The following NOLC1 variants were observed in gnomAD, a reference collection of about 807,000 sequenced individuals.
NOLC1 encodes the protein nucleolar and coiled-body phosphoprotein 1.
In NOLC1, 37 loss-of-function variants were observed where a neutral mutation model predicts 73.4. The ratio of observed to expected loss-of-function variants is 0.50; its 90% CI spans 0.39 to 0.66. The LOEUF (loss-of-function observed/expected upper bound fraction) is 0.66. Ranked by LOEUF, NOLC1 falls within the 30% of genes least tolerant of loss-of-function variation. NOLC1 has a pLI of 0.00. For missense variants in NOLC1, 921 were observed against 838.9 expected, an observed-to-expected ratio of 1.10 and a Z score of -1.21; for synonymous variants, 327 against 302.6, an observed-to-expected ratio of 1.08 and a Z score of -0.84.
chr10:102,156,962 A>T, intron 1 of NOLC1, 57 bp from the exon 2 acceptor site: 1 of 1,534,104 alleles, frequency 6.5e-7, no homozygotes, highest in Non-Finnish European at 9.0e-7. Flanking sequence ...GGCCACATTT[A>T]ATGAAAGCAT....
chr10:102,161,071 G>T lies in NOLC1; in HGVS notation c.1719G>T (p.Ala573=). The T allele has an allele frequency of 1.2e-6, 2 of 1,608,654 alleles. No homozygotes were observed. The highest frequency in any genetic ancestry group is 1.7e-6 in the Non-Finnish European group (2 of 1,179,018). Residue 573 remains alanine (A), a synonymous_variant, in exon 10 of 13, where the codon GCG becomes GCT. Transcript: ENST00000605788. ...SEEEEEEKKK[A]AVVVSKSGSL... Reference sequence around the variant, plus strand: ...AGGAGGAAGAAGAAAAGAAAAAGGCGGCAGTGGTAGTTTCCAAATCAGGTC... The same window carrying T: ...AGGAGGAAGAAGAAAAGAAAAAGGCTGCAGTGGTAGTTTCCAAATCAGGTC...
At chr10:102,159,822 A>G in intron 7 of NOLC1, 74 bp from the exon 8 acceptor site, 2 of 1,406,092 alleles carry the variant, frequency 1.4e-6, no homozygotes, top group Non-Finnish European at 1.9e-6. Context: ...ATTAAGCTTC[A>G]TTTCTACAAG....
intron 1 of NOLC1, among the ~76,000 whole-genome samples, chr10:102,154,135 G>C (rs369444696): frequency 1.4e-5 from 2 of 145,826 alleles, no homozygotes; most frequent in African/African-American, 2.6e-5. Context: ...GCAGTGGCAC[G>C]ATCTCAGCTC....
In NOLC1 at chr10:102,163,252, A is replaced by G. The variant is rs1332759522; in HGVS notation, c.*983A>G. 1 of 150,620 alleles carries G rather than the reference A, an allele frequency of 6.6e-6. No homozygotes were observed. Among genetic ancestry groups the G allele is most frequent in the South Asian group, 2.1e-4 (1 of 4,790 alleles). The allele number at this position is 150,620 out of a possible 1,614,324, so 9.3% of individuals were successfully genotyped here. On this transcript the variant is annotated 3_prime_UTR_variant, in exon 13 of 13. Transcript: ENST00000605788. Reference sequence around the variant, plus strand: ...AATCACTGATCAAGAAAGTGGGGGGAAAAAAAACAAACGTTAAAACCTCAA... The same window carrying G: ...AATCACTGATCAAGAAAGTGGGGGGGAAAAAAACAAACGTTAAAACCTCAA...
chr10:102,155,816 A>G (rs2069584888), intron 1 of NOLC1, among the ~76,000 whole-genome samples: 1 of 151,444 alleles, frequency 6.6e-6, no homozygotes, highest in African/African-American at 2.4e-5. Context: ...TGGCCCTTAA[A>G]TGCAGTTCTT....
chr10:102,156,751 G>A (rs2069601988), intron 1 of NOLC1, among the ~76,000 whole-genome samples: 1 of 152,016 alleles, frequency 6.6e-6, no homozygotes, highest in Non-Finnish European at 1.5e-5. Flanking sequence ...GTTTTGTTTT[G>A]TTTTAGGACT....
chr10:102,154,353 G>T (rs1014986333), intron 1 of NOLC1, among the ~76,000 whole-genome samples: 18 of 151,884 alleles, frequency 1.2e-4, no homozygotes, highest in Non-Finnish European at 2.9e-5. Flanking sequence ...AAAGTGCTGG[G>T]ATTACAGGTG....
At chr10:102,161,238 C>CTTTT in intron 10 of NOLC1, 145 bp downstream of exon 10, 6 of 671,532 alleles carry the variant, frequency 8.9e-6, no homozygotes, top group Non-Finnish European at 1.4e-5. Context: ...AACTGGTTAC[C>CTTTT]TTTTTTTTTT....
In NOLC1 at chr10:102,159,516, T is replaced by A. The variant is rs1490560997; in HGVS notation, c.807T>A (p.Asp269Glu). The A allele has an allele frequency of 5.6e-6, 9 of 1,614,068 alleles. No homozygotes were observed. The highest frequency in any genetic ancestry group is 7.6e-6 in the Non-Finnish European group (9 of 1,180,042). The stretch of plus-strand genomic sequence containing the variant: ...CCCGGAAGAGTTCTAGCAGTGAGGA[T>A]TCCTCCAGTGACGAGGAAGAGGAGC... ...TPTRKSSSSEDSSSDEEEEQK... is the reference protein window; with the variant it reads ...TPTRKSSSSEESSSDEEEEQK... The change falls in exon 7 of 13, where the codon GAT becomes GAA. Residue 269 changes from aspartate (D) to glutamate (E), a missense_variant. By Grantham distance (45) the Asp-to-Glu change is conservative (BLOSUM62 2). Coordinates refer to ENST00000605788, the MANE Select transcript of NOLC1 (RefSeq NM_004741.5).
rs773592534 is a variant in NOLC1, at chr10:102,162,071, A to G, written c.1942-40A>G. On this transcript the variant is annotated intron_variant, in intron 12 of 12. Coordinates refer to ENST00000605788, the MANE Select transcript of NOLC1 (RefSeq NM_004741.5). ...AAGAATAAAGTGACAGGGCTCCAGC[A>G]TGGTCCTCCTCTGTGTTAATCTCCC... is the stretch of plus-strand genomic sequence containing the variant. The G allele has an allele frequency of 1.7e-5, 27 of 1,608,850 alleles. No individual in the cohort carries two copies. The South Asian group carries it at 2.0e-4, about 12-fold the overall frequency.
At position 102,159,627 on chromosome 10, in the gene NOLC1, C is replaced by G. The variant is rs980420846; in HGVS notation, c.859+59C>G. The G allele has an allele frequency of 1.2e-5, 19 of 1,544,558 alleles. No homozygotes were observed. In the African/African-American group the frequency reaches 1.5e-4, roughly 12 times the overall value. ...GTGGTCAGGGCCCAGCTGCAGTAAC[C>G]ACATGGACCTCTCCATAGAGGTGCA... On this transcript the variant is annotated intron_variant, in intron 7 of 12. Coordinates refer to ENST00000605788, the MANE Select transcript of NOLC1 (RefSeq NM_004741.5).
rs2069746162 is a variant in NOLC1 at position 102,163,477 on chromosome 10, G to A, written c.*1208G>A. On this transcript the variant is annotated 3_prime_UTR_variant, in exon 13 of 13. Transcript: ENST00000605788. ...GCCCCCTTCAGAACCTTAACTGTTAGTAGCAGTGGCTGTAACAACACAAAC... is the reference window on the plus strand; with the variant it reads ...GCCCCCTTCAGAACCTTAACTGTTAATAGCAGTGGCTGTAACAACACAAAC... 1 of 152,172 alleles carries A rather than the reference G, an allele frequency of 6.6e-6. No homozygotes were observed. Among genetic ancestry groups the A allele is most frequent in the African/African-American group, 2.4e-5 (1 of 41,436 alleles). The allele number at this position is 152,172 out of a possible 1,614,324, so 9.4% of individuals were successfully genotyped here. A position where few individuals can be genotyped will look rare whatever the true frequency, so the allele number is the denominator to read the frequency against.
chr10:102,157,655 C>A, intron 4 of NOLC1, 100 bp downstream of exon 4: 2 of 1,330,760 alleles, frequency 1.5e-6, no homozygotes, highest in Admixed American at 2.6e-5. Flanking sequence ...GGCGGCAATA[C>A]AATAGGTGAT....
In NOLC1 at chr10:102,161,842, A is replaced by G. The variant is rs754613200; in HGVS notation, c.1858A>G (p.Arg620Gly). The part of the protein sequence containing the change: ...TFPKRKKGEK[R>G]ASSPFRRVRE... ...CTTCATTCTTCTGTAGGGAGAAAAA[A>G]GGGCATCATCCCCATTCCGAAGGGT... The change falls in exon 12 of 13, where the codon AGG (arginine) becomes GGG (glycine). Residue 620 changes from arginine (R) to glycine (G), a missense_variant. Transcript: ENST00000605788. 12 of 1,614,006 alleles carry G rather than the reference A, an allele frequency of 7.4e-6. No individual in the cohort carries two copies. The highest frequency in any genetic ancestry group is 1.3e-5 in the African/African-American group (1 of 75,036).
At position 102,161,053 on chromosome 10, in the gene NOLC1, A is replaced by G. The variant is rs2069701052; in HGVS notation, c.1701A>G (p.Glu567=). ...CAGCTAAGAACAGTGAGGAGGAGGA[A>G]GAAGAAAAGAAAAAGGCGGCAGTGG... ...GKAAKNSEEE[E]EEKKKAAVVV... The change falls in exon 10 of 13, where the codon GAA becomes GAG. Residue 567 remains glutamate (E), a synonymous_variant. Coordinates refer to ENST00000605788, the MANE Select transcript of NOLC1 (RefSeq NM_004741.5). 2 of 1,611,184 alleles carry G rather than the reference A, an allele frequency of 1.2e-6. No homozygotes were observed. The highest frequency in any genetic ancestry group is 1.3e-5 in the African/African-American group (1 of 74,748).
In NOLC1 at chr10:102,159,237, A is replaced by T. The variant is rs1302704701; in HGVS notation, c.652A>T (p.Ser218Cys). The T allele has an allele frequency of 6.2e-7, 1 of 1,613,230 alleles. No individual in the cohort carries two copies. The highest frequency in any genetic ancestry group is 8.5e-7 in the Non-Finnish European group (1 of 1,179,314). ...KIANGKAASS[S>C]SSSSSSSSSD... ...AGCCAATGGTAAAGCAGCCAGTAGC[A>T]GCAGTAGCAGCAGCAGCAGCAGTAG... is the stretch of plus-strand genomic sequence containing the variant. The change falls in exon 6 of 13, where the codon AGC becomes TGC. Residue 218 changes from serine to cysteine, a missense_variant. Transcript: ENST00000605788.
intron 1 of NOLC1, among the ~76,000 whole-genome samples, chr10:102,154,960 ATCC>A (rs2133752025): frequency 6.6e-6 from 1 of 151,346 alleles, no homozygotes; most frequent in South Asian, 2.1e-4. Flanking sequence ...GGCTCAGGCA[ATCC>A]TCCTGCCTCA....
intron 7 of NOLC1, 63 bp from the exon 8 acceptor site, chr10:102,159,833 A>G: frequency 2.8e-6 from 4 of 1,425,036 alleles, no homozygotes; most frequent in Non-Finnish European, 3.7e-6. Context: ...TTTCTACAAG[A>G]AAGTAGTATC....
At position 102,160,040 on chromosome 10, in the gene NOLC1, G is replaced by C; in HGVS notation, c.988+16G>C. ...GATGAGTCTGGTGAGTCAGAGGGAT[G>C]CAGCCTCCCCTCAGCGTGGGTCTGG... is the stretch of plus-strand genomic sequence containing the variant. On this transcript the variant is annotated intron_variant, in intron 8 of 12. Transcript: ENST00000605788. 6.2e-7 allele frequency: 1 copy of C among 1,610,440 alleles called. No individual in the cohort carries two copies. The highest frequency in any genetic ancestry group is 1.1e-5 in the South Asian group (1 of 90,510).
Sources: allele counts gnomAD v4.1 joint callset (sites outside exome capture counted in the v4.1 genomes callset), GRCh38; gene constraint gnomAD v4.1.1; transcripts MANE v1.5; gene names NCBI Gene and HGNC (gene_info 2026-07-23, HGNC 2026-07-21).